Variants in SNAPC4 observed in about 807,000 individuals in gnomAD.
SNAPC4 encodes the protein small nuclear RNA activating complex polypeptide 4.
A neutral mutation model predicts 151.3 loss-of-function variants in SNAPC4; 127 were observed. That is an observed-to-expected ratio of 0.84 (90% CI 0.73 to 0.97). The LOEUF (loss-of-function observed/expected upper bound fraction) is 0.97, where lower values mean the gene tolerates loss of function less well. SNAPC4 is among the 50% of genes least tolerant of loss of function. The pLI, the probability that SNAPC4 is intolerant of heterozygous loss-of-function variation, is 0.00. For missense variants in SNAPC4, 2,186 were observed against 1,935.0 expected, an observed-to-expected ratio of 1.13 and a Z score of -2.43; for synonymous variants, 1,002 against 824.4, an observed-to-expected ratio of 1.22 and a Z score of -3.69.
At position 136,377,908 on chromosome 9, in the gene SNAPC4, C is replaced by A. The variant is rs1429032838; in HGVS notation, c.3919G>T (p.Ala1307Ser). ...GACAGAGCTCGCAGGCTGCACAGGG[C>A]TGGGGGCTGATAGGGCAGTCTGCTG... Reference protein sequence around the residue: ...LGSRLPYQPPALCSLRALSGL... With the variant: ...LGSRLPYQPPSLCSLRALSGL... Residue 1307 changes from alanine to serine, a missense_variant, in exon 22 of 24, where the codon GCC (alanine) becomes TCC (serine). Coordinates refer to ENST00000684778, the MANE Select transcript of SNAPC4 (RefSeq NM_003086.4). 4.3e-6 allele frequency: 7 copies of A among 1,610,854 alleles called. No homozygotes were observed. The highest frequency in any genetic ancestry group is 1.1e-5 in the South Asian group (1 of 91,054).
At position 136,383,933 on chromosome 9, in the gene SNAPC4, A is replaced by G; in HGVS notation, c.1500+20T>C. On this transcript the variant is annotated intron_variant, in intron 15 of 23. Transcript: ENST00000684778. The surrounding 1 kb of genome is among the most constrained non-coding windows in gnomAD (Gnocchi z 4.2). ...CAGGCCATTGTCTGGTTTCAGATAA[A>G]GAAGGAGCGAGTGGCTCACCCCCAT... 6.2e-7 allele frequency: 1 copy of G among 1,608,438 alleles called. No homozygotes were observed. The highest frequency in any genetic ancestry group is 1.1e-5 in the South Asian group (1 of 90,928).
chr9:136,393,944 G>A (rs773022991), intron 7 of SNAPC4, among the ~76,000 whole-genome samples: 1 of 152,244 alleles, frequency 6.6e-6, no homozygotes, highest in Non-Finnish European at 1.5e-5. Context: ...TTGAGACAGG[G>A]TCTCGCTCTG....
chr9:136,378,926 G>C lies in SNAPC4; in HGVS notation c.2901C>G (p.Gly967=). The C allele has an allele frequency of 6.2e-7, 1 of 1,610,640 alleles. No individual in the cohort carries two copies. Among genetic ancestry groups the C allele is most frequent in the Non-Finnish European group, 8.5e-7 (1 of 1,179,378 alleles). ...CTGAAGTCCCAGCCTCCTGCCAGGAGCCAGAAGTGCCAGGTTTGGCTGCCG... is the reference window on the plus strand; with the variant it reads ...CTGAAGTCCCAGCCTCCTGCCAGGACCCAGAAGTGCCAGGTTTGGCTGCCG... ...APAAAKPGTS[G]SWQEAGTSAK... Residue 967 remains glycine, a synonymous_variant, in exon 22 of 24, where the codon GGC becomes GGG. Coordinates refer to ENST00000684778, the MANE Select transcript of SNAPC4 (RefSeq NM_003086.4).
chr9:136,377,581 C>G lies in SNAPC4; in HGVS notation c.4246G>C (p.Gly1416Arg). 6.6e-7 allele frequency: 1 copy of G among 1,525,446 alleles called. No individual in the cohort carries two copies. The highest frequency in any genetic ancestry group is 8.8e-7 in the Non-Finnish European group (1 of 1,134,642). The allele number at this position is 1,525,446 out of a possible 1,614,324, so 94.5% of individuals were successfully genotyped here. Residue 1416 changes from glycine (G) to arginine (R), a missense_variant, in exon 22 of 24, where the codon GGG becomes CGG. Gly to Arg is a moderately radical substitution (Grantham distance 125, BLOSUM62 -2). Transcript: ENST00000684778. ...LSELELADRD[G>R]QPGCTTATCP... ...GTGGCTGTCGTGCAGCCCGGCTGCC[C>G]GTCCCTGTCTGCAAGTTCCAGCTCA...
At chr9:136,399,049 T>C (rs527638718) in intron 1 of SNAPC4, among the ~76,000 whole-genome samples, 31 of 152,318 alleles carry the variant, frequency 2.0e-4, no homozygotes, top group African/African-American at 7.0e-4. Flanking sequence ...CACTAACAAA[T>C]GTTTGTCAAG....
chr9:136,376,228 CCTAACCCAGCACACCTG>C lies in SNAPC4; in HGVS notation c.*7+104_*7+120del, dbSNP rs1012467470. On this transcript the variant is annotated intron_variant, in intron 23 of 23. Coordinates refer to ENST00000684778, the MANE Select transcript of SNAPC4 (RefSeq NM_003086.4). ...GCCTCCATGACCCTGGACCTGCCCACCTAACCCAGCACACCTGCTGTGAGCGCCAAAGAGCCGAGCAG... is the reference window on the plus strand; with the variant it reads ...GCCTCCATGACCCTGGACCTGCCCACCTGTGAGCGCCAAAGAGCCGAGCAG... 8.0e-6 allele frequency: 10 copies of C among 1,242,282 alleles called. No homozygotes were observed. In the African/African-American group the frequency reaches 1.5e-4, roughly 18 times the overall value. 77.0% of individuals were successfully genotyped at this position (1,242,282 alleles called of 1,614,324 possible).
rs371959533 is a variant in SNAPC4 at position 136,383,266 on chromosome 9, G to C, written c.1903C>G (p.His635Asp). The C allele has an allele frequency of 2.0e-5, 32 of 1,610,684 alleles. No individual in the cohort carries two copies. In the South Asian group the frequency reaches 2.6e-4, roughly 13 times the overall value. Residue 635 changes from histidine (H) to aspartate (D), a missense_variant, in exon 16 of 24, where the codon CAC (histidine) becomes GAC (aspartate). Transcript: ENST00000684778. The surrounding 1 kb of genome is among the most constrained non-coding windows in gnomAD (Gnocchi z 4.2). Reference protein sequence around the residue: ...TSPVQVPARAHGPVPRSAQAS... With the variant: ...TSPVQVPARADGPVPRSAQAS... ...TGGGCAGACCTCGGGACAGGGCCGTGGGCCCTGGCAGGGACCTGCACCGGA... is the reference window on the plus strand; with the variant it reads ...TGGGCAGACCTCGGGACAGGGCCGTCGGCCCTGGCAGGGACCTGCACCGGA...
rs745773907 is a variant in SNAPC4, at chr9:136,378,804, G to A, written c.3023C>T (p.Ala1008Val). 2.3e-5 allele frequency: 36 copies of A among 1,581,968 alleles called. No homozygotes were observed. The highest frequency in any genetic ancestry group is 3.0e-5 in the Non-Finnish European group (35 of 1,163,444). ...CACAGAGATCTGGCCGGGGCCCAGG[G>A]CAGGGGCTTGGGAAGCAGCAGGGGC... The part of the protein sequence containing the change: ...GTAPAASQAP[A>V]LGPGQISVSC... The change falls in exon 22 of 24, where the codon GCC (alanine) becomes GTC (valine). Residue 1008 changes from alanine to valine, a missense_variant. Transcript: ENST00000684778.
chr9:136,388,043 G>A (rs891535378), intron 11 of SNAPC4, among the ~76,000 whole-genome samples, 195 bp from the exon 12 acceptor site: 5 of 152,162 alleles, frequency 3.3e-5, no homozygotes, highest in African/African-American at 7.2e-5. Flanking sequence ...AGAGGCTGGC[G>A]GATCACCTAA....
rs1269637311 is a variant in SNAPC4 at position 136,388,474 on chromosome 9, G to C, written c.1093C>G (p.Arg365Gly). The change falls in exon 11 of 24, where the codon CGC becomes GGC. Residue 365 changes from arginine to glycine, a missense_variant. Coordinates refer to ENST00000684778, the MANE Select transcript of SNAPC4 (RefSeq NM_003086.4). ...CGGTAGGGGATGTGGCTGCCGACGC[G>C]CATCTCCTGCACCAGCTGCGTGAGC... Reference protein sequence around the residue: ...RMLTQLVQEMRVGSHIPYRRI... With the variant: ...RMLTQLVQEMGVGSHIPYRRI... 1.2e-6 allele frequency: 2 copies of C among 1,612,262 alleles called. No individual in the cohort carries two copies. Among genetic ancestry groups the C allele is most frequent in the African/African-American group, 1.3e-5 (1 of 74,892 alleles).
rs139076496 is a variant in SNAPC4, at chr9:136,392,211, G to A, written c.811-105C>T. The stretch of plus-strand genomic sequence containing the variant: ...CTCTCCGCCAGCTGGAGGCTTCCAC[G>A]GCTGCAAGTAAGCGCAATCTTCGTC... On this transcript the variant is annotated intron_variant, in intron 9 of 23. Coordinates refer to ENST00000684778, the MANE Select transcript of SNAPC4 (RefSeq NM_003086.4). 2.6e-4 allele frequency: 359 copies of A among 1,403,630 alleles called. 3 individuals are homozygous for A. In the East Asian group the frequency reaches 4.4e-3, roughly 17 times the overall value. The allele number at this position is 1,403,630 out of a possible 1,614,324, so 86.9% of individuals were successfully genotyped here.
In SNAPC4 at chr9:136,376,376, TC is replaced by T; in HGVS notation, c.4389del (p.Lys1464SerfsTer21). ...VLRTRHARHT[R>X]KRRRLV ...GCTGCTCACACCAGCCGCCTCCGCTTCCGGGTGTGCCTGGCATGCCGGGTTC... is the reference window on the plus strand; with the variant it reads ...GCTGCTCACACCAGCCGCCTCCGCTTCGGGTGTGCCTGGCATGCCGGGTTC... On this transcript the variant is annotated frameshift_variant, in exon 23 of 24. Transcript: ENST00000684778. LOFTEE classifies it high-confidence loss of function. The T allele has an allele frequency of 6.2e-7, 1 of 1,613,244 alleles. No homozygotes were observed. The highest frequency in any genetic ancestry group is 8.5e-7 in the Non-Finnish European group (1 of 1,179,928).
In SNAPC4 at chr9:136,377,751, G is replaced by T. The variant is rs377237409; in HGVS notation, c.4076C>A (p.Pro1359Gln). 2 of 1,610,474 alleles carry T rather than the reference G, an allele frequency of 1.2e-6. No homozygotes were observed. The highest frequency in any genetic ancestry group is 1.3e-5 in the African/African-American group (1 of 74,998). The change falls in exon 22 of 24, where the codon CCG (proline) becomes CAG (glutamine). Residue 1359 changes from proline (P) to glutamine (Q), a missense_variant. Transcript: ENST00000684778. The stretch of plus-strand genomic sequence containing the variant: ...CCGCGCCCGCAACAGGAGGTAGGCC[G>T]GGTTGTCCTGGAGCTGCCCCCGCAC... ...GLVRGQLQDN[P>Q]AYLLLRARFL... is the part of the protein sequence containing the mutation.
At chr9:136,388,378 A>C in intron 11 of SNAPC4, 66 bp downstream of exon 11, 1 of 1,533,592 alleles carries the variant, frequency 6.5e-7, no homozygotes. Context: ...TTTCCCTGCA[A>C]GTCTCCAGTG....
chr9:136,389,723 C>T (rs112972359), intron 10 of SNAPC4, among the ~76,000 whole-genome samples: 3 of 152,208 alleles, frequency 2.0e-5, no homozygotes, highest in African/African-American at 4.8e-5. Context: ...CCAAGCCTGC[C>T]GAAGGAGTTG....
At chr9:136,394,997 C>T (rs1834212097) in intron 5 of SNAPC4, 119 bp from the exon 6 acceptor site, 3 of 927,292 alleles carry the variant, frequency 3.2e-6, no homozygotes, top group Non-Finnish European at 4.8e-6. Flanking sequence ...TTCTCCCGTA[C>T]TGTGAGGCTG....
At chr9:136,395,211 C>T in intron 5 of SNAPC4, 87 bp downstream of exon 5, 1 of 1,509,062 alleles carries the variant, frequency 6.6e-7, no homozygotes, top group South Asian at 1.3e-5. Context: ...CACAGGAATT[C>T]ACGACTCCCT....
chr9:136,399,655 C>T (rs1834386939), intron 1 of SNAPC4, among the ~76,000 whole-genome samples: 1 of 152,198 alleles, frequency 6.6e-6, no homozygotes, highest in Non-Finnish European at 1.5e-5. Flanking sequence ...CAGGCGGTCC[C>T]TCCAGCCCCA....
Position 136,379,827 on chromosome 9 carries a change from G to C in SNAPC4, c.2527+10C>G, listed in dbSNP as rs1189538258. The C allele has an allele frequency of 1.2e-6, 2 of 1,613,040 alleles. No individual in the cohort carries two copies. Among genetic ancestry groups the C allele is most frequent in the Non-Finnish European group, 1.7e-6 (2 of 1,179,474 alleles). The stretch of plus-strand genomic sequence containing the variant: ...GTCTCTTCCCCACCAGGGCAGAGAA[G>C]CAGAGTTACCTGGGGTGCTCTGGGC... On this transcript the variant is annotated intron_variant, in intron 21 of 23. Transcript: ENST00000684778.
Sources: gnomAD v4.1 joint callset for allele counts (sites outside exome capture counted in the v4.1 genomes callset) on GRCh38, gnomAD v4.1.1 for gene constraint, Gnocchi (gnomAD v3.1) non-coding constraint, MANE v1.5 for transcripts, NCBI Gene and HGNC (gene_info 2026-07-23, HGNC 2026-07-21) for gene names.